The following DRAM1 variants were observed in gnomAD, a reference collection of about 807,000 sequenced individuals.
DRAM1 encodes the protein DNA damage-regulated autophagy modulator protein 1.
In DRAM1, 25 loss-of-function variants were observed where a neutral mutation model predicts 28.5. The ratio of observed to expected loss-of-function variants is 0.88; its 90% confidence interval spans 0.64 to 1.23. The LOEUF is 1.23. DRAM1 is among the 50% of genes most tolerant of loss of function. The pLI, the probability that DRAM1 is intolerant of heterozygous loss-of-function variation, is 0.00. For missense variants in DRAM1, 249 were observed against 299.2 expected, an observed-to-expected ratio of 0.83 and a Z score of 1.24; for synonymous variants, 113 against 114.2, an observed-to-expected ratio of 0.99 and a Z score of 0.07.
chr12:101,898,432 TTTAA>T (rs1317537626), intron 2 of DRAM1, among the ~76,000 whole-genome samples: 1 of 152,216 alleles, frequency 6.6e-6, no homozygotes, highest in Non-Finnish European at 1.5e-5. Context: ...AGAACTATAC[TTTAA>T]TTAGTAATTT....
At chr12:101,905,267 T>TTATTTG (rs962453186) in intron 3 of DRAM1, among the ~76,000 whole-genome samples, 1 of 152,192 alleles carries the variant, frequency 6.6e-6, no homozygotes, top group African/African-American at 2.4e-5. Flanking sequence ...ATTTATTTAT[T>TTATTTG]TATTTGTATT....
At chr12:101,901,157 C>T (rs1464107943) in intron 2 of DRAM1, 134 bp from the exon 3 acceptor site, 8 of 747,810 alleles carry the variant, frequency 1.1e-5, no homozygotes, top group Admixed American at 3.1e-5. Flanking sequence ...AAGATGGAGT[C>T]AGGAGGGACA....
At chr12:101,894,503 C>T (rs1333213797) in intron 1 of DRAM1, among the ~76,000 whole-genome samples, 2 of 152,176 alleles carry the variant, frequency 1.3e-5, no homozygotes, top group African/African-American at 2.4e-5. Flanking sequence ...CCATCCTCCT[C>T]GGCCTCCCAA....
rs78402038 is a variant in DRAM1, at chr12:101,882,107, ATTTT to A, written c.131+4213_131+4216del. Among the ~76,000 whole-genome samples the A allele has an allele frequency of 1.2e-3, 150 of 129,518 alleles. 1 individual carries two copies. Among genetic ancestry groups the A allele is most frequent in the African/African-American group, 3.6e-3 (131 of 36,672 alleles). The allele number at this position is 129,518 out of a possible 152,430, so 85.0% of individuals were successfully genotyped here. A position where few individuals can be genotyped will look rare whatever the true frequency, so the allele number is the denominator to read the frequency against. On this transcript the variant is annotated intron_variant, in intron 1 of 6. Transcript: ENST00000258534. ...ATTGTTCAGTCATTCTGATGGTCTA[ATTTT>A]TTTTTTTTTTTTTTTTTTTTTTTTT...
chr12:101,906,531 G>A (rs891554670), intron 3 of DRAM1, among the ~76,000 whole-genome samples: 1 of 152,160 alleles, frequency 6.6e-6, no homozygotes, highest in Admixed American at 6.5e-5. Context: ...AATGTTCCTC[G>A]ACTGGAAGGT....
At chr12:101,895,861 C>T (rs147585198) in intron 1 of DRAM1, among the ~76,000 whole-genome samples, 3,664 of 151,078 alleles carry the variant, frequency 0.024, 158 homozygotes, top group African/African-American at 0.084. Context: ...TGAACCACCG[C>T]GCCTGGTCGT....
rs1291603850 is a variant in DRAM1, at chr12:101,923,111, A to C, written c.*1851A>C. On this transcript the variant is annotated 3_prime_UTR_variant, in exon 7 of 7. Transcript: ENST00000258534. ...TGTCTCAAAAATAAATAAATAAATA[A>C]ATGAATAAAGAGAATGCTAATCATT... is the stretch of plus-strand genomic sequence containing the variant. 2.0e-5 allele frequency: 3 copies of C among 152,130 alleles called. No individual in the cohort carries two copies. The East Asian group carries it at 5.8e-4, about 29-fold the overall frequency. The allele number at this position is 152,130 out of a possible 1,614,324, so 9.4% of individuals were successfully genotyped here.
Position 101,898,086 on chromosome 12 carries a change from T to A in DRAM1, c.199+156T>A, listed in dbSNP as rs147179282. On this transcript the variant is annotated intron_variant, in intron 2 of 6. Transcript: ENST00000258534. ...TCCAGGCTGGAGTGCAGTGGCGTGA[T>A]CACGGCTCACTGCAGCCTCAACCTG... 7.5e-3 allele frequency among the ~76,000 whole-genome samples: 1,136 copies of A among 152,288 alleles called. 19 individuals carry two copies. Among genetic ancestry groups the A allele is most frequent in the African/African-American group, 0.026 (1,093 of 41,560 alleles).
chr12:101,901,833 T>G (rs187105557), intron 3 of DRAM1, among the ~76,000 whole-genome samples: 95 of 149,570 alleles, frequency 6.4e-4, no homozygotes, highest in African/African-American at 2.1e-3. Context: ...GAGCCGAGAT[T>G]GTGCCACTGC....
intron 5 of DRAM1, 32 bp from the exon 6 acceptor site, chr12:101,920,077 G>T (rs750834570): frequency 4.0e-6 from 6 of 1,487,564 alleles, no homozygotes; most frequent in Middle Eastern, 1.7e-4. Context: ...AGTCTTTTTC[G>T]GCTAAATTCT....
chr12:101,906,561 A>G lies in DRAM1; in HGVS notation c.343-1625A>G, dbSNP rs12319223. 6.0e-3 allele frequency among the ~76,000 whole-genome samples: 910 copies of G among 152,288 alleles called. 8 individuals are homozygous for G. Among genetic ancestry groups the G allele is most frequent in the African/African-American group, 0.02 (845 of 41,560 alleles). On this transcript the variant is annotated intron_variant, in intron 3 of 6. Coordinates refer to ENST00000258534, the MANE Select transcript of DRAM1 (RefSeq NM_018370.3). ...GAAGGTTGTGCCCAGTGCACATTTGAAAGGAGCTGAGGCTGGGTGTGGTGG... is the reference window on the plus strand; with the variant it reads ...GAAGGTTGTGCCCAGTGCACATTTGGAAGGAGCTGAGGCTGGGTGTGGTGG...
At chr12:101,878,286 A>G (rs1222807213) in intron 1 of DRAM1, among the ~76,000 whole-genome samples, 1 of 152,196 alleles carries the variant, frequency 6.6e-6, no homozygotes, top group African/African-American at 2.4e-5. Flanking sequence ...ATCCAGGTAT[A>G]TGCTAAACAG....
intron 1 of DRAM1, among the ~76,000 whole-genome samples, chr12:101,897,057 G>A (rs1873403779): frequency 6.6e-6 from 1 of 152,018 alleles, no homozygotes; most frequent in Non-Finnish European, 1.5e-5. Context: ...AAAGTGCTGG[G>A]ATTACAGGCG....
At chr12:101,882,171 C>G (rs1370655109) in intron 1 of DRAM1, among the ~76,000 whole-genome samples, 1 of 143,718 alleles carries the variant, frequency 7.0e-6, no homozygotes, top group Non-Finnish European at 1.5e-5. Flanking sequence ...TGCAGTGGCG[C>G]GATCTCGGCT....
chr12:101,884,489 CTG>C (rs1296324638), intron 1 of DRAM1, among the ~76,000 whole-genome samples: 2 of 151,954 alleles, frequency 1.3e-5, no homozygotes, highest in Non-Finnish European at 2.9e-5. Flanking sequence ...TGATAGATCA[CTG>C]TCTTCCATCT....
chr12:101,887,407 C>T (rs1872925047), intron 1 of DRAM1, among the ~76,000 whole-genome samples: 1 of 152,038 alleles, frequency 6.6e-6, no homozygotes, highest in South Asian at 2.1e-4. Flanking sequence ...ATAGTGGACC[C>T]ATACTCTTGT....
intron 2 of DRAM1, among the ~76,000 whole-genome samples, chr12:101,900,446 A>G (rs568120546): frequency 3.4e-4 from 52 of 152,372 alleles, no homozygotes; most frequent in Non-Finnish European, 6.3e-4. Flanking sequence ...TATAGCAGAT[A>G]ATAGACTAAT....
chr12:101,911,444 A>C (rs1310013469), intron 4 of DRAM1, among the ~76,000 whole-genome samples: 1 of 152,196 alleles, frequency 6.6e-6, no homozygotes, highest in African/African-American at 2.4e-5. Flanking sequence ...CACCAACAGC[A>C]TAAAGTCCAG....
chr12:101,877,621 T>C lies in DRAM1; in HGVS notation c.-169T>C. 1 of 373,018 alleles carries C rather than the reference T, an allele frequency of 2.7e-6. No homozygotes were observed. Among genetic ancestry groups the C allele is most frequent in the Non-Finnish European group, 4.4e-6 (1 of 225,288 alleles). The allele number at this position is 373,018 out of a possible 1,614,324, so 23.1% of individuals were successfully genotyped here. A position where few individuals can be genotyped will look rare whatever the true frequency, so the allele number is the denominator to read the frequency against. ...CTCGCCGCCCGCAGCCTCGCTCCGC[T>C]CCTCGCGCTTCCCCTCCCTCCGGGG... On this transcript the variant is annotated 5_prime_UTR_variant, in exon 1 of 7. Transcript: ENST00000258534. This position sits in a 1 kb window ranked among gnomAD's most constrained non-coding sequence, Gnocchi z 4.1.
Sources: gnomAD v4.1 joint callset for allele counts (sites outside exome capture counted in the v4.1 genomes callset) on GRCh38, gnomAD v4.1.1 for gene constraint, Gnocchi (gnomAD v3.1) non-coding constraint, MANE v1.5 for transcripts, NCBI Gene and HGNC (gene_info 2026-07-23, HGNC 2026-07-21) for gene names.